The following TSPAN7 variants were observed in gnomAD, a reference collection of about 807,000 sequenced individuals.
TSPAN7 encodes tetraspanin 7.
A neutral mutation model predicts 17.6 loss-of-function variants in TSPAN7; 1 was observed. The ratio of observed to expected loss-of-function variants is 0.06; its 90% CI spans 0.02 to 0.27. The LOEUF (loss-of-function observed/expected upper bound fraction) is 0.27, where lower values mean the gene tolerates loss of function less well. TSPAN7 is among the 10% of genes least tolerant of loss of function. The probability of loss-of-function intolerance (pLI) is 1.00; values close to 1 mark genes in which losing one functional copy is unlikely to be tolerated. For synonymous variants in TSPAN7, 78 were observed against 79.0 expected (o/e 0.99, Z 0.07); for missense variants, 112 against 201.7 (o/e 0.56, Z 2.69).
At position 38,685,581 on chromosome X, in the gene TSPAN7, CT is replaced by C. The variant is rs1236524651; in HGVS notation, c.682-2017del. ...GTTGTAGTGAGCCGAGATTGCACCACTGCACTCCAGCCTGGATATTCAATAT... is the reference window on the plus strand; with the variant it reads ...GTTGTAGTGAGCCGAGATTGCACCACGCACTCCAGCCTGGATATTCAATAT... On this transcript the variant is annotated intron_variant, in intron 6 of 7. Transcript: ENST00000378482. 3.6e-5 allele frequency among the ~76,000 whole-genome samples: 4 copies of C among 112,263 alleles called. No individual in the cohort carries two copies. In the East Asian group the frequency reaches 1.1e-3, roughly 31 times the overall value.
chrX:38,588,335 T>G lies in TSPAN7; in HGVS notation c.81+26708T>G, dbSNP rs187020575. ...AGGTAAGCACTGGAGCACTGAAACA[T>G]TTAGAGGTATTTAACTACATCTTAA... On this transcript the variant is annotated intron_variant, in intron 1 of 7. Coordinates refer to ENST00000378482, the MANE Select transcript of TSPAN7 (RefSeq NM_004615.4). Among the ~76,000 whole-genome samples, 206 of 111,226 alleles carry G rather than the reference T, an allele frequency of 1.9e-3. 1 individual carries two copies. Among genetic ancestry groups the G allele is most frequent in the African/African-American group, 6.2e-3 (190 of 30,618 alleles).
intron 1 of TSPAN7, among the ~76,000 whole-genome samples, chrX:38,601,876 A>G (rs2069348997): frequency 1.8e-5 from 2 of 111,396 alleles, no homozygotes; most frequent in South Asian, 7.4e-4. Context: ...ATTCTCTCCC[A>G]TCTTCCAGGA....
intron 1 of TSPAN7, among the ~76,000 whole-genome samples, chrX:38,626,182 C>T (rs1240143465): frequency 2.0e-5 from 2 of 98,346 alleles, no homozygotes; most frequent in Non-Finnish European, 4.1e-5. Context: ...TTTAAATGTA[C>T]TATTCTGGAG....
At chrX:38,659,739 C>T (rs1423218648) in intron 1 of TSPAN7, among the ~76,000 whole-genome samples, 4 of 108,276 alleles carry the variant, frequency 3.7e-5, no homozygotes, top group Non-Finnish European at 7.7e-5. Flanking sequence ...TCAAGTGATC[C>T]TCCTGTCTCA....
At chrX:38,580,689 G>A (rs2069223109) in intron 1 of TSPAN7, among the ~76,000 whole-genome samples, 1 of 111,978 alleles carries the variant, frequency 8.9e-6, no homozygotes, top group South Asian at 3.7e-4. Flanking sequence ...CACTCCACAT[G>A]CATTATCTTG....
At chrX:38,661,844 A>AT (rs2069747713) in intron 1 of TSPAN7, among the ~76,000 whole-genome samples, 1 of 109,553 alleles carries the variant, frequency 9.1e-6, no homozygotes, top group Admixed American at 9.7e-5. Flanking sequence ...TAAAAAAAAA[A>AT]GTCCCTTGCT....
chrX:38,647,520 A>G (rs746202821), intron 1 of TSPAN7, among the ~76,000 whole-genome samples: 1 of 112,423 alleles, frequency 8.9e-6, no homozygotes, highest in South Asian at 3.7e-4. Flanking sequence ...TTGAGTGTGT[A>G]CTAAATTTAG....
intron 6 of TSPAN7, among the ~76,000 whole-genome samples, chrX:38,685,686 A>G (rs149610260): frequency 4.0e-4 from 45 of 112,474 alleles, no homozygotes; most frequent in Admixed American, 1.0e-3. Flanking sequence ...ACAACAAAAA[A>G]TAATGCAAAT....
At chrX:38,603,247 T>C (rs1602095177) in intron 1 of TSPAN7, among the ~76,000 whole-genome samples, 1 of 111,863 alleles carries the variant, frequency 8.9e-6, no homozygotes, top group East Asian at 2.8e-4. Flanking sequence ...AGAATGTCTA[T>C]AATAAAAAAG....
chrX:38,676,489 C>T (rs1446332484), intron 5 of TSPAN7, among the ~76,000 whole-genome samples: 5 of 111,992 alleles, frequency 4.5e-5, no homozygotes, highest in Admixed American at 9.5e-5. Flanking sequence ...ATCAATTCTG[C>T]ATTCCATTTT....
chrX:38,678,565 G>A, intron 5 of TSPAN7, among the ~76,000 whole-genome samples: 1 of 112,213 alleles, frequency 8.9e-6, no homozygotes, highest in Non-Finnish European at 1.9e-5. Context: ...GCCTGTGGTT[G>A]CAGTATTAAA....
intron 1 of TSPAN7, chrX:38,656,155 G>A (rs1242690477): frequency 1.7e-5 from 4 of 239,638 alleles, no homozygotes; most frequent in Non-Finnish European, 3.2e-5. Context: ...TGGAAAATCA[G>A]GTACGAGGTA....
chrX:38,671,861 T>A (rs774848257), intron 3 of TSPAN7, among the ~76,000 whole-genome samples: 71 of 110,001 alleles, frequency 6.5e-4, no homozygotes, highest in African/African-American at 2.3e-3. Context: ...CTGGGCAACA[T>A]AGTGAGAACC....
intron 1 of TSPAN7, among the ~76,000 whole-genome samples, chrX:38,601,500 G>A (rs1043693104): frequency 2.7e-5 from 3 of 111,745 alleles, no homozygotes; most frequent in Non-Finnish European, 5.7e-5. Flanking sequence ...AGTAATTATG[G>A]AAATTGGCAT....
intron 1 of TSPAN7, among the ~76,000 whole-genome samples, chrX:38,634,502 T>A (rs887731906): frequency 2.7e-5 from 3 of 112,079 alleles, no homozygotes; most frequent in African/African-American, 9.8e-5. Flanking sequence ...ATTCTCCTGT[T>A]AGGACTGTGA....
At chrX:38,641,482 C>T (rs1042492094) in intron 1 of TSPAN7, among the ~76,000 whole-genome samples, 6 of 111,759 alleles carry the variant, frequency 5.4e-5, no homozygotes, top group African/African-American at 1.6e-4. Flanking sequence ...CATCTCTACC[C>T]GATAGCGGAG....
chrX:38,610,756 T>G (rs2069413503), intron 1 of TSPAN7, among the ~76,000 whole-genome samples: 2 of 112,532 alleles, frequency 1.8e-5, no homozygotes, highest in Non-Finnish European at 3.8e-5. Flanking sequence ...GGTGAGCCTA[T>G]TCACAATGGA....
intron 1 of TSPAN7, among the ~76,000 whole-genome samples, chrX:38,593,767 T>C (rs1337788646): frequency 8.9e-6 from 1 of 112,519 alleles, no homozygotes; most frequent in East Asian, 2.8e-4. Context: ...CCTTGCCAGA[T>C]TCCAGCACCT....
intron 1 of TSPAN7, among the ~76,000 whole-genome samples, chrX:38,636,075 G>T (rs867717267): frequency 9.8e-6 from 1 of 102,354 alleles, no homozygotes; most frequent in African/African-American, 3.7e-5. Context: ...TTTTCATTTT[G>T]TTATTTATTT....
Sources: gnomAD v4.1 joint callset for allele counts (sites outside exome capture counted in the v4.1 genomes callset) on GRCh38, gnomAD v4.1.1 for gene constraint, MANE v1.5 for transcripts, NCBI Gene and HGNC (gene_info 2026-07-23, HGNC 2026-07-21) for gene names.